CNTN5: variants seen among roughly 807,000 people sequenced by gnomAD.
The protein encoded by CNTN5 is contactin 5, also known as contactin-5.
A neutral mutation model predicts 129.1 loss-of-function variants in CNTN5; 77 were observed. The observed-to-expected ratio is 0.60, with a 90% CI of 0.50 to 0.72. The LOEUF is 0.72. CNTN5 is among the 30% of genes least tolerant of loss of function. The probability of loss-of-function intolerance (pLI) is 0.00; values close to 1 mark genes in which losing one functional copy is unlikely to be tolerated. For synonymous variants in CNTN5, 509 were observed against 465.6 expected (o/e 1.09, Z -1.20); for missense variants, 1,478 against 1,328.8 (o/e 1.11, Z -1.75).
intron 1 of CNTN5, among the ~76,000 whole-genome samples, chr11:99,191,104 C>A (rs548099788): frequency 6.6e-6 from 1 of 151,662 alleles, no homozygotes; most frequent in African/African-American, 2.4e-5. Flanking sequence ...ATAAACATAT[C>A]TTTTTGTTTC....
At chr11:99,582,054 G>C (rs574562531) in intron 3 of CNTN5, among the ~76,000 whole-genome samples, 9 of 151,960 alleles carry the variant, frequency 5.9e-5, no homozygotes, top group Non-Finnish European at 1.3e-4. Flanking sequence ...TTGCTTGTCT[G>C]TAAAGTATTT....
chr11:100,178,348 C>A (rs969938090), intron 13 of CNTN5, among the ~76,000 whole-genome samples: 2 of 152,120 alleles, frequency 1.3e-5, no homozygotes, highest in African/African-American at 4.8e-5. Flanking sequence ...TTCTTAAAAT[C>A]TTCGTCTACT....
At chr11:99,877,050 G>A (rs752387065) in intron 6 of CNTN5, among the ~76,000 whole-genome samples, 1 of 152,154 alleles carries the variant, frequency 6.6e-6, no homozygotes, top group Non-Finnish European at 1.5e-5. Context: ...GTGATAATTA[G>A]ATGCCATGAT....
rs1245383120 is a variant in CNTN5, at chr11:99,991,427, AC to A, written c.878-10606del. Among the ~76,000 whole-genome samples, 5 of 152,264 alleles carry A rather than the reference AC, an allele frequency of 3.3e-5. No individual in the cohort carries two copies. In the East Asian group the frequency reaches 7.7e-4, roughly 24 times the overall value. Reference sequence around the variant, plus strand: ...GCTTGCAGTGAGCCGAGATTGCACCACTGCACTCCAGCCTGGGCAACAGAGT... The same window carrying A: ...GCTTGCAGTGAGCCGAGATTGCACCATGCACTCCAGCCTGGGCAACAGAGT... On this transcript the variant is annotated intron_variant, in intron 8 of 24. Transcript: ENST00000524871.
At chr11:100,308,957 A>G in intron 21 of CNTN5, 2 of 984,984 alleles carry the variant, frequency 2.0e-6, no homozygotes, top group Non-Finnish European at 2.4e-6. Context: ...ATTTTTAAAC[A>G]TAGTTATTCC....
intron 3 of CNTN5, among the ~76,000 whole-genome samples, chr11:99,635,253 C>T (rs1302152551): frequency 6.6e-6 from 1 of 152,132 alleles, no homozygotes; most frequent in Admixed American, 6.6e-5. Context: ...TGAAAATCAG[C>T]AATTGCAAAC....
chr11:99,766,534 T>G (rs1037209939), intron 3 of CNTN5, among the ~76,000 whole-genome samples: 1 of 152,046 alleles, frequency 6.6e-6, no homozygotes, highest in African/African-American at 2.4e-5. Context: ...AAAACTAATA[T>G]AAAGTTCTAA....
chr11:99,815,458 G>A (rs1025482614), intron 3 of CNTN5, among the ~76,000 whole-genome samples: 2 of 152,100 alleles, frequency 1.3e-5, no homozygotes, highest in African/African-American at 2.4e-5. Context: ...CCTGAGAGAG[G>A]AGGAGACCCC....
At chr11:99,199,603 T>A (rs975159636) in intron 1 of CNTN5, among the ~76,000 whole-genome samples, 1 of 152,158 alleles carries the variant, frequency 6.6e-6, no homozygotes, top group African/African-American at 2.4e-5. Context: ...AGTCTCCTAT[T>A]CCTCTAGGAC....
At chr11:99,498,718 G>A (rs547873290) in intron 2 of CNTN5, among the ~76,000 whole-genome samples, 1 of 152,280 alleles carries the variant, frequency 6.6e-6, no homozygotes, top group African/African-American at 2.4e-5. Context: ...GAATACATAA[G>A]CTATTAGGGA....
chr11:99,807,479 G>T (rs1300540011), intron 3 of CNTN5, among the ~76,000 whole-genome samples: 3 of 152,114 alleles, frequency 2.0e-5, no homozygotes, highest in Non-Finnish European at 4.4e-5. Flanking sequence ...TGCTTCTGAA[G>T]GACATTTGTA....
intron 13 of CNTN5, among the ~76,000 whole-genome samples, chr11:100,126,760 G>T (rs1340370147): frequency 2.0e-5 from 3 of 151,952 alleles, no homozygotes; most frequent in Non-Finnish European, 2.9e-5. Flanking sequence ...CTTTTAAGTG[G>T]GTTGTTTAGA....
At chr11:99,449,831 T>C (rs1591077922) in intron 2 of CNTN5, among the ~76,000 whole-genome samples, 1 of 152,214 alleles carries the variant, frequency 6.6e-6, no homozygotes, top group East Asian at 1.9e-4. Context: ...ATCACTTAGG[T>C]GGATGTCCAT....
intron 13 of CNTN5, among the ~76,000 whole-genome samples, chr11:100,188,117 A>C (rs1369536585): frequency 1.3e-5 from 2 of 152,158 alleles, no homozygotes; most frequent in Non-Finnish European, 2.9e-5. Flanking sequence ...TAAAAGAGCA[A>C]AAGACATGAA....
chr11:99,486,174 C>G (rs1945804156), intron 2 of CNTN5, among the ~76,000 whole-genome samples: 1 of 151,882 alleles, frequency 6.6e-6, no homozygotes, highest in South Asian at 2.1e-4. Context: ...GTTTAAAATG[C>G]CTGCTTTAAT....
chr11:99,657,556 T>TA (rs1184863836), intron 3 of CNTN5, among the ~76,000 whole-genome samples: 2 of 152,108 alleles, frequency 1.3e-5, no homozygotes, highest in South Asian at 2.1e-4. Context: ...ACAATTTATT[T>TA]AAAAAAATAT....
intron 17 of CNTN5, 33 bp downstream of exon 17, chr11:100,255,951 C>T: frequency 1.3e-6 from 2 of 1,599,810 alleles, no homozygotes; most frequent in Non-Finnish European, 1.7e-6. Context: ...CAGATATAAC[C>T]AGAGTGGCCT....
chr11:99,740,196 T>C (rs1214738798), intron 3 of CNTN5, among the ~76,000 whole-genome samples: 3 of 152,074 alleles, frequency 2.0e-5, no homozygotes, highest in Non-Finnish European at 4.4e-5. Flanking sequence ...ACTAGGCATA[T>C]TAATGTGGTC....
chr11:99,768,446 A>C (rs932372408), intron 3 of CNTN5, among the ~76,000 whole-genome samples: 3 of 152,132 alleles, frequency 2.0e-5, no homozygotes, highest in Non-Finnish European at 4.4e-5. Context: ...GACAGTCCAT[A>C]TTCAGATGTC....
Sources: gnomAD v4.1 joint callset for allele counts (sites outside exome capture counted in the v4.1 genomes callset) on GRCh38, gnomAD v4.1.1 for gene constraint, MANE v1.5 for transcripts, NCBI Gene and HGNC (gene_info 2026-07-23, HGNC 2026-07-21) for gene names.